CMYA5: variants seen among roughly 807,000 people sequenced by gnomAD.
CMYA5 encodes the protein cardiomyopathy associated 5.
A neutral mutation model predicts 318.9 loss-of-function variants in CMYA5; 246 were observed. That is an observed-to-expected ratio of 0.77 (90% CI 0.70 to 0.86). The LOEUF is 0.86. Among genes scored for constraint, CMYA5 ranks in the 40% least tolerant of loss-of-function variants. The pLI, the probability that CMYA5 is intolerant of heterozygous loss-of-function variation, is 0.00. For synonymous variants in CMYA5, 1,641 were observed against 1,729.5 expected (o/e 0.95, Z 1.27); for missense variants, 4,589 against 4,678.2 (o/e 0.98, Z 0.56).
At chr5:79,784,631 C>T (rs1829047383) in intron 9 of CMYA5, among the ~76,000 whole-genome samples, 2 of 92,084 alleles carry the variant, frequency 2.2e-5, no homozygotes, top group South Asian at 4.5e-4. Context: ...TGCGCCGTTT[C>T]TTAAGCCGGT....
Position 79,738,670 on chromosome 5 carries a change from A to G in CMYA5, c.9905A>G (p.Tyr3302Cys). 6.2e-7 allele frequency: 1 copy of G among 1,613,966 alleles called. No homozygotes were observed. ...AGTCTGGAAGAACAGAAAGGTGTTT[A>G]TGGGGAAGGAGAATCAGTAGACCAT... ...EKSLEEQKGVYGEGESVDHVE... is the reference protein window; with the variant it reads ...EKSLEEQKGVCGEGESVDHVE... Residue 3302 changes from tyrosine to cysteine, a missense_variant, in exon 2 of 13, where the codon TAT becomes TGT. Coordinates refer to ENST00000446378, the MANE Select transcript of CMYA5 (RefSeq NM_153610.5).
At position 79,732,966 on chromosome 5, in the gene CMYA5, C is replaced by A. The variant is rs867350941; in HGVS notation, c.4201C>A (p.Pro1401Thr). The A allele has an allele frequency of 6.2e-7, 1 of 1,612,914 alleles. No individual in the cohort carries two copies. Among genetic ancestry groups the A allele is most frequent in the South Asian group, 1.1e-5 (1 of 90,950 alleles). Residue 1401 changes from proline (P) to threonine (T), a missense_variant, in exon 2 of 13, where the codon CCA (proline) becomes ACA (threonine). Transcript: ENST00000446378. ...VGKGELGSGLPPLVTSADEHS... is the reference protein window; with the variant it reads ...VGKGELGSGLTPLVTSADEHS... ...AAAGGGTGAATTAGGAAGTGGTTTG[C>A]CACCACTGGTAACATCTGCAGATGA...
intron 9 of CMYA5, among the ~76,000 whole-genome samples, chr5:79,767,828 C>G (rs1403776447): frequency 2.0e-5 from 3 of 152,060 alleles, no homozygotes; most frequent in South Asian, 4.1e-4. Context: ...TCTGCTTGGT[C>G]CAGAGCTGAG....
intron 12 of CMYA5, among the ~76,000 whole-genome samples, chr5:79,794,136 T>C (rs1829230664): frequency 6.6e-6 from 1 of 152,124 alleles, no homozygotes; most frequent in Admixed American, 6.5e-5. Context: ...TCCACATTGG[T>C]CCATATCGGG....
At chr5:79,717,507 T>C (rs1326929766) in intron 1 of CMYA5, among the ~76,000 whole-genome samples, 3 of 152,182 alleles carry the variant, frequency 2.0e-5, no homozygotes, top group Non-Finnish European at 4.4e-5. Context: ...GAAGTTGATA[T>C]ATGAGCTGGT....
intron 7 of CMYA5, among the ~76,000 whole-genome samples, chr5:79,760,085 C>T (rs898803335): frequency 1.3e-5 from 2 of 152,044 alleles, no homozygotes; most frequent in African/African-American, 2.4e-5. Flanking sequence ...GTTTGTTTGT[C>T]TCTGTGTGTG....
rs1184217283 is a variant in CMYA5 at position 79,738,306 on chromosome 5, G to A, written c.9541G>A (p.Glu3181Lys). ...TACCACTATTAAAGTCATTGATCCA[G>A]AATTTCTGGAGGAGCCACCTGCACT... ...FPTTIKVIDP[E>K]FLEEPPALAF... The change falls in exon 2 of 13, where the codon GAA becomes AAA. Residue 3181 changes from glutamate to lysine, a missense_variant. Glu to Lys is a moderately conservative substitution (Grantham distance 56). Coordinates refer to ENST00000446378, the MANE Select transcript of CMYA5 (RefSeq NM_153610.5). 2.5e-6 allele frequency: 4 copies of A among 1,613,424 alleles called. No individual in the cohort carries two copies. The highest frequency in any genetic ancestry group is 1.1e-5 in the South Asian group (1 of 90,962).
At position 79,737,568 on chromosome 5, in the gene CMYA5, G is replaced by A. The variant is rs2278240; in HGVS notation, c.8803G>A (p.Gly2935Arg). ...CTTTACAGTGACTAGTAAGCCAGCCGGACTTTCAGAAGATCAGAAGACTGC... is the reference window on the plus strand; with the variant it reads ...CTTTACAGTGACTAGTAAGCCAGCCAGACTTTCAGAAGATCAGAAGACTGC... ...EDFTVTSKPAGLSEDQKTAFS... is the reference protein window; with the variant it reads ...EDFTVTSKPARLSEDQKTAFS... Residue 2935 changes from glycine to arginine, a missense_variant, in exon 2 of 13, where the codon GGA (glycine) becomes AGA (arginine). By Grantham distance (125) the Gly-to-Arg change is moderately radical. This residue lies in a region of CMYA5 where 2,431 missense variants were observed against 2,495.1 expected (regional missense o/e 0.97). Coordinates refer to ENST00000446378, the MANE Select transcript of CMYA5 (RefSeq NM_153610.5). 0.034 allele frequency: 55,040 copies of A among 1,613,564 alleles called. 1,453 individuals are homozygous for A. The highest frequency in any genetic ancestry group is 0.092 in the East Asian group (4,121 of 44,860).
chr5:79,776,710 C>T lies in CMYA5; in HGVS notation c.11556-12261C>T, dbSNP rs974358589. On this transcript the variant is annotated intron_variant, in intron 9 of 12. Transcript: ENST00000446378. ...CCATGTACTCTGTTCACAGTTCACA[C>T]TATGTGGTGTCGACTGACTGCCTGA... is the stretch of plus-strand genomic sequence containing the variant. Among the ~76,000 whole-genome samples the T allele has an allele frequency of 4.6e-5, 7 of 152,208 alleles. 1 individual carries two copies.
At position 79,763,197 on chromosome 5, in the gene CMYA5, G is replaced by C; in HGVS notation, c.11543G>C (p.Gly3848Ala). The C allele has an allele frequency of 6.2e-7, 1 of 1,605,870 alleles. No homozygotes were observed. Among genetic ancestry groups the C allele is most frequent in the Non-Finnish European group, 8.5e-7 (1 of 1,177,014 alleles). The change falls in exon 9 of 13, where the codon GGA becomes GCA. Residue 3848 changes from glycine to alanine, a missense_variant. Physicochemically the swap from Gly to Ala is moderately conservative, Grantham distance 60. Around this residue, in one of 3 missense-constraint regions of CMYA5, gnomAD observed 2,431 missense variants for 2,495.1 expected, o/e 0.97. Coordinates refer to ENST00000446378, the MANE Select transcript of CMYA5 (RefSeq NM_153610.5). ...TACTGCAGACAGCACTCTCCTGAGG[G>C]AGAGGGCCTCAGGTGAGGGGCCCTC... ...LEYCRQHSPE[G>A]EGLRSFSGIK...
intron 9 of CMYA5, among the ~76,000 whole-genome samples, chr5:79,766,975 A>G (rs1309241879): frequency 6.6e-6 from 1 of 152,098 alleles, no homozygotes; most frequent in Non-Finnish European, 1.5e-5. Flanking sequence ...TACTGTCTCA[A>G]TTTCAGAACT....
At chr5:79,761,219 C>G (rs1449806366) in intron 7 of CMYA5, among the ~76,000 whole-genome samples, 1 of 152,068 alleles carries the variant, frequency 6.6e-6, no homozygotes, top group Non-Finnish European at 1.5e-5. Flanking sequence ...CTTAATTGGA[C>G]AAAGTTACTT....
In CMYA5 at chr5:79,739,232, C is replaced by A. The variant is rs553076142; in HGVS notation, c.10467C>A (p.Asp3489Glu). The change falls in exon 2 of 13, where the codon GAC becomes GAA. Residue 3489 changes from aspartate (D) to glutamate (E), a missense_variant. Physicochemically the swap from Asp to Glu is conservative, Grantham distance 45. Transcript: ENST00000446378. ...KELGSERKEEDQLSSEVVTEK... is the reference protein window; with the variant it reads ...KELGSERKEEEQLSSEVVTEK... Reference sequence around the variant, plus strand: ...TGGGCAGCGAGAGGAAAGAAGAAGACCAATTATCATCTGAGGTAGTAACTG... The same window carrying A: ...TGGGCAGCGAGAGGAAAGAAGAAGAACAATTATCATCTGAGGTAGTAACTG... The A allele has an allele frequency of 1.2e-6, 2 of 1,612,930 alleles. No homozygotes were observed. The highest frequency in any genetic ancestry group is 2.7e-5 in the African/African-American group (2 of 74,976).
intron 1 of CMYA5, among the ~76,000 whole-genome samples, chr5:79,702,852 A>G (rs1306351337): frequency 1.3e-5 from 2 of 152,186 alleles, no homozygotes; most frequent in African/African-American, 2.4e-5. Flanking sequence ...AATTTGTGCT[A>G]TTGCCACATC....
At chr5:79,762,026 C>T in intron 8 of CMYA5, 69 bp downstream of exon 8, 3 of 1,486,642 alleles carry the variant, frequency 2.0e-6, no homozygotes, top group South Asian at 1.4e-5. Context: ...TTGAGATCAG[C>T]CAGTAAGTGT....
intron 1 of CMYA5, among the ~76,000 whole-genome samples, chr5:79,696,628 T>C (rs942671558): frequency 2.0e-5 from 3 of 152,250 alleles, no homozygotes; most frequent in Admixed American, 6.5e-5. Context: ...TTACATTCAC[T>C]GCAAATTTCC....
At chr5:79,690,156 C>T in intron 1 of CMYA5, 100 bp downstream of exon 1, 1 of 1,353,292 alleles carries the variant, frequency 7.4e-7, no homozygotes, top group Non-Finnish European at 9.5e-7. Context: ...TCGTTTGCCT[C>T]GAGCTAGGCA....
chr5:79,753,932 C>T (rs1026475096), intron 6 of CMYA5, among the ~76,000 whole-genome samples: 1 of 152,162 alleles, frequency 6.6e-6, no homozygotes, highest in African/African-American at 2.4e-5. Context: ...TGGTCTTTTG[C>T]TTTTAAGGGA....
At position 79,734,277 on chromosome 5, in the gene CMYA5, G is replaced by A. The variant is rs772651218; in HGVS notation, c.5512G>A (p.Asp1838Asn). 2.5e-6 allele frequency: 4 copies of A among 1,613,408 alleles called. No individual in the cohort carries two copies. The African/African-American group carries it at 5.3e-5, about 22-fold the overall frequency. ...TTCAGATCAAACTGTTAAATTACCT[G>A]ATGTAAGCACCTCTTCTGAAGATAA... ...LHSDQTVKLP[D>N]VSTSSEDKQD... The change falls in exon 2 of 13, where the codon GAT becomes AAT. Residue 1838 changes from aspartate to asparagine, a missense_variant. Physicochemically the swap from Asp to Asn is conservative, Grantham distance 23 (BLOSUM62 1). Around this residue, in one of 3 missense-constraint regions of CMYA5, gnomAD observed 2,132 missense variants for 2,131.3 expected, o/e 1.00. Transcript: ENST00000446378.
Sources: allele counts gnomAD v4.1 joint callset (sites outside exome capture counted in the v4.1 genomes callset), GRCh38; gene constraint gnomAD v4.1.1; regional missense constraint gnomAD v4.1.1; transcripts MANE v1.5; gene names NCBI Gene and HGNC (gene_info 2026-07-23, HGNC 2026-07-21).